The following NRG3 variants were observed in gnomAD, a reference collection of about 807,000 sequenced individuals.
NRG3 encodes pro-neuregulin-3, membrane-bound isoform.
In NRG3, 31 loss-of-function variants were observed where a neutral mutation model predicts 66.9. The observed-to-expected ratio is 0.46, with a 90% CI of 0.35 to 0.63. The LOEUF (loss-of-function observed/expected upper bound fraction) is 0.63, where lower values mean the gene tolerates loss of function less well. Ranked by LOEUF, NRG3 falls within the 20% of genes least tolerant of loss-of-function variation. The probability of loss-of-function intolerance (pLI) is 0.00; values close to 1 mark genes in which losing one functional copy is unlikely to be tolerated. For missense variants in NRG3, 910 were observed against 878.9 expected (o/e 1.04, Z -0.45); for synonymous variants, 393 against 359.4 (o/e 1.09, Z -1.06).
At chr10:82,665,617 C>CT (rs1458386255) in intron 2 of NRG3, among the ~76,000 whole-genome samples, 1 of 152,148 alleles carries the variant, frequency 6.6e-6, no homozygotes, top group Non-Finnish European at 1.5e-5. Context: ...TTTGATCCCT[C>CT]TTTTTTTAAT....
In NRG3 at chr10:82,705,519, A is replaced by T. The variant is rs557470535; in HGVS notation, c.954-33058A>T. On this transcript the variant is annotated intron_variant, in intron 2 of 8. Coordinates refer to ENST00000372141, the MANE Select transcript of NRG3 (RefSeq NM_001010848.4). ...CTGGCCTGTTACCTACATTTACCACATTTCCATTCCCTCCCCTAATCCAAG... is the reference window on the plus strand; with the variant it reads ...CTGGCCTGTTACCTACATTTACCACTTTTCCATTCCCTCCCCTAATCCAAG... Among the ~76,000 whole-genome samples, 57 of 152,234 alleles carry T rather than the reference A, an allele frequency of 3.7e-4. 1 individual carries two copies. In the South Asian group the frequency reaches 0.011, roughly 29 times the overall value.
At chr10:82,386,892 C>T (rs7079647) in intron 2 of NRG3, among the ~76,000 whole-genome samples, 27,936 of 151,992 alleles carry the variant, frequency 0.18, 3,690 homozygotes, top group African/African-American at 0.37. Flanking sequence ...CTCCTCCTCC[C>T]GGGTTCAAGC....
chr10:82,019,473 C>T (rs1239157781), intron 1 of NRG3, among the ~76,000 whole-genome samples: 1 of 152,022 alleles, frequency 6.6e-6, no homozygotes, highest in Non-Finnish European at 1.5e-5. Context: ...GGGAGGATTC[C>T]CTCTTTTTCT....
At chr10:82,839,786 C>T (rs1420380056) in intron 3 of NRG3, among the ~76,000 whole-genome samples, 3 of 151,574 alleles carry the variant, frequency 2.0e-5, no homozygotes, top group Non-Finnish European at 2.9e-5. Context: ...TGATAAAAGA[C>T]CAAAATAAAT....
intron 3 of NRG3, among the ~76,000 whole-genome samples, chr10:82,839,542 A>G (rs1051535303): frequency 4.6e-5 from 7 of 151,586 alleles, no homozygotes; most frequent in East Asian, 1.9e-4. Context: ...TTTCTTTTAT[A>G]TTTTTTAATC....
At chr10:82,620,482 G>T (rs1033039690) in intron 2 of NRG3, among the ~76,000 whole-genome samples, 1 of 152,106 alleles carries the variant, frequency 6.6e-6, no homozygotes, top group African/African-American at 2.4e-5. Flanking sequence ...CTTCCCCAAA[G>T]TTAAGCCATC....
intron 2 of NRG3, among the ~76,000 whole-genome samples, chr10:82,616,184 A>G (rs745496371): frequency 6.6e-6 from 1 of 152,178 alleles, no homozygotes; most frequent in Non-Finnish European, 1.5e-5. Context: ...CAAAATTAAA[A>G]TAATCTTCTT....
chr10:81,964,727 G>A (rs188638827), intron 1 of NRG3, among the ~76,000 whole-genome samples: 98 of 152,102 alleles, frequency 6.4e-4, no homozygotes, highest in Middle Eastern at 6.8e-3. Context: ...CCTACCACAC[G>A]GCCTCATCAA....
At chr10:82,324,824 C>T (rs772605359) in intron 1 of NRG3, among the ~76,000 whole-genome samples, 1 of 152,032 alleles carries the variant, frequency 6.6e-6, no homozygotes, top group Non-Finnish European at 1.5e-5. Flanking sequence ...TTTAATGAAC[C>T]CGAATATGAT....
At chr10:82,670,902 AT>A (rs1214683024) in intron 2 of NRG3, among the ~76,000 whole-genome samples, 3 of 152,150 alleles carry the variant, frequency 2.0e-5, no homozygotes, top group Non-Finnish European at 4.4e-5. Flanking sequence ...TCTACCTGCA[AT>A]TCTCTGCATT....
chr10:82,704,404 T>C (rs1486056339), intron 2 of NRG3, among the ~76,000 whole-genome samples: 4 of 152,240 alleles, frequency 2.6e-5, no homozygotes, highest in African/African-American at 9.6e-5. Flanking sequence ...TTACACTAAC[T>C]ATAAATCTAC....
intron 1 of NRG3, among the ~76,000 whole-genome samples, chr10:82,084,175 C>T (rs1222887910): frequency 6.6e-6 from 1 of 151,978 alleles, no homozygotes; most frequent in Admixed American, 6.6e-5. Flanking sequence ...TTGCAGTGAG[C>T]CGAGATTGCG....
intron 1 of NRG3, among the ~76,000 whole-genome samples, chr10:81,956,218 A>G (rs184420915): frequency 1.2e-4 from 18 of 152,228 alleles, no homozygotes; most frequent in Admixed American, 9.2e-4. Context: ...AGGCAAAACA[A>G]CTTCCCTCTG....
At chr10:82,751,863 A>G (rs1395529605) in intron 3 of NRG3, among the ~76,000 whole-genome samples, 1 of 152,082 alleles carries the variant, frequency 6.6e-6, no homozygotes, top group East Asian at 1.9e-4. Flanking sequence ...TCCTCAGACT[A>G]TGTCTTAAAT....
intron 2 of NRG3, among the ~76,000 whole-genome samples, chr10:82,408,073 G>C (rs550229546): frequency 2.2e-3 from 277 of 123,420 alleles, no homozygotes; most frequent in African/African-American, 9.1e-3. Context: ...GAGAGAGAGA[G>C]AGAGAGAGAG....
At chr10:82,379,068 A>G (rs1589912840) in intron 2 of NRG3, among the ~76,000 whole-genome samples, 1 of 152,242 alleles carries the variant, frequency 6.6e-6, no homozygotes, top group East Asian at 1.9e-4. Context: ...CCAAATCCTG[A>G]TAAGTGATGG....
chr10:82,557,744 C>T (rs1468375988), intron 2 of NRG3, among the ~76,000 whole-genome samples: 5 of 152,048 alleles, frequency 3.3e-5, no homozygotes, highest in African/African-American at 1.2e-4. Flanking sequence ...TTACTTTGTG[C>T]CAGACATGTT....
In NRG3 at chr10:82,182,723, T is replaced by C. The variant is rs189910658; in HGVS notation, c.824-176016T>C. Among the ~76,000 whole-genome samples the C allele has an allele frequency of 1.7e-4, 26 of 152,118 alleles. 1 individual carries two copies. The East Asian group carries it at 4.6e-3, about 27-fold the overall frequency. ...TTTTTAATATATTTATCTTTACCAG[T>C]GAACTTTATATTTTATATGTTTTCA... On this transcript the variant is annotated intron_variant, in intron 1 of 8. Transcript: ENST00000372141.
intron 1 of NRG3, among the ~76,000 whole-genome samples, chr10:82,302,930 G>GT (rs373573571): frequency 7.2e-5 from 11 of 152,022 alleles, no homozygotes; most frequent in African/African-American, 2.2e-4. Flanking sequence ...TGGTTTTTCT[G>GT]TTTTTTAAGA....
Sources: gnomAD v4.1 joint callset for allele counts (sites outside exome capture counted in the v4.1 genomes callset) on GRCh38, gnomAD v4.1.1 for gene constraint, MANE v1.5 for transcripts, NCBI Gene and HGNC (gene_info 2026-07-23, HGNC 2026-07-21) for gene names.